ABTB3: variants seen among roughly 807,000 people sequenced by gnomAD.
ABTB3 encodes ankyrin repeat and BTB domain containing 3.
At chr12:107,607,941 C>T in the ABTB3 span, among the ~76,000 whole-genome samples, 69 of 152,286 alleles carry the variant, frequency 4.5e-4, no homozygotes, top group African/African-American at 1.6e-3. Context: ...CAATGGCCCC[C>T]TCTCGTTCCT....
At chr12:107,520,170 G>T in the ABTB3 span, 1 of 974,416 alleles carries the variant, frequency 1.0e-6, no homozygotes, top group Non-Finnish European at 1.2e-6. Flanking sequence ...GTCACAAGAA[G>T]TCACATCTAG....
chr12:107,345,039 C>T, the ABTB3 span, among the ~76,000 whole-genome samples: 1 of 152,222 alleles, frequency 6.6e-6, no homozygotes, highest in Admixed American at 6.5e-5. Flanking sequence ...CCTAGTCCTT[C>T]ATCCAGGCTT....
the ABTB3 span, among the ~76,000 whole-genome samples, chr12:107,382,329 C>T: frequency 6.6e-6 from 1 of 152,102 alleles, no homozygotes. Context: ...CAGGGCTTGT[C>T]TGTCAAGGGA....
chr12:107,457,389 C>A, the ABTB3 span, among the ~76,000 whole-genome samples: 1 of 152,174 alleles, frequency 6.6e-6, no homozygotes, highest in South Asian at 2.1e-4. Context: ...GCTGGCTTGC[C>A]GAAAGATAGA....
chr12:107,320,762 C>T, the ABTB3 span: 71 of 444,124 alleles, frequency 1.6e-4, 1 homozygote, highest in East Asian at 3.5e-4. Context: ...ATTCCAGCCT[C>T]CCAGCTCTTG....
At chr12:107,580,712 C>G in the ABTB3 span, 1 of 1,067,140 alleles carries the variant, frequency 9.4e-7, no homozygotes, top group South Asian at 1.7e-5. Flanking sequence ...TAGCGGACAC[C>G]TTAGGCTTGG....
chr12:107,369,138 G>A, the ABTB3 span, among the ~76,000 whole-genome samples: 13 of 151,842 alleles, frequency 8.6e-5, no homozygotes, highest in South Asian at 2.1e-4. Context: ...TTTTTGGTTC[G>A]TGCCTTGGGG....
the ABTB3 span, chr12:107,657,846 C>G: frequency 1.2e-6 from 1 of 851,824 alleles, no homozygotes; most frequent in Non-Finnish European, 1.9e-6. Context: ...CTCTACTGCT[C>G]CCACGTGTTC....
At chr12:107,420,933 C>G in the ABTB3 span, among the ~76,000 whole-genome samples, 31 of 152,094 alleles carry the variant, frequency 2.0e-4, no homozygotes, top group Non-Finnish European at 2.9e-4. Flanking sequence ...AGGGAGCTGC[C>G]CGAATCATTA....
At chr12:107,387,972 C>CTTCTTCT in the ABTB3 span, among the ~76,000 whole-genome samples, 9 of 120,206 alleles carry the variant, frequency 7.5e-5, no homozygotes, top group African/African-American at 3.0e-4. Flanking sequence ...TCTTCTTCTT[C>CTTCTTCT]TTTTTTTTTT....
the ABTB3 span, among the ~76,000 whole-genome samples, chr12:107,403,506 G>A: frequency 1.8e-4 from 28 of 152,204 alleles, no homozygotes; most frequent in South Asian, 1.5e-3. Flanking sequence ...CCCACAATGG[G>A]CCTACAGATA....
At chr12:107,372,939 C>T in the ABTB3 span, among the ~76,000 whole-genome samples, 1 of 152,194 alleles carries the variant, frequency 6.6e-6, no homozygotes, top group Non-Finnish European at 1.5e-5. Flanking sequence ...TCAACCTCAA[C>T]ACCATTGGCA....
At chr12:107,656,799 T>C in the ABTB3 span, among the ~76,000 whole-genome samples, 2 of 152,212 alleles carry the variant, frequency 1.3e-5, no homozygotes, top group African/African-American at 4.8e-5. Context: ...ACTCGGAGCC[T>C]CAGTTTCCCC....
the ABTB3 span, among the ~76,000 whole-genome samples, chr12:107,642,660 C>A: frequency 6.6e-6 from 1 of 152,120 alleles, no homozygotes; most frequent in African/African-American, 2.4e-5. Context: ...ACAAAGAGAA[C>A]AGCATGTGCG....
the ABTB3 span, among the ~76,000 whole-genome samples, chr12:107,461,716 G>A: frequency 6.6e-6 from 1 of 152,190 alleles, no homozygotes; most frequent in South Asian, 2.1e-4. Flanking sequence ...GGAAGTTGGG[G>A]AGGTAGAGGA....
At chr12:107,490,991 G>C in the ABTB3 span, among the ~76,000 whole-genome samples, 1 of 152,152 alleles carries the variant, frequency 6.6e-6, no homozygotes, top group African/African-American at 2.4e-5. Flanking sequence ...GCAGAGCTGG[G>C]ATTAGAACTC....
At chr12:107,333,828 C>T in the ABTB3 span, among the ~76,000 whole-genome samples, 295 of 152,254 alleles carry the variant, frequency 1.9e-3, no homozygotes, top group African/African-American at 6.9e-3. Context: ...GAAGGTGACA[C>T]CTGCCATGGA....
the ABTB3 span, among the ~76,000 whole-genome samples, chr12:107,607,694 CCCCTGGTGG>C: frequency 6.6e-6 from 1 of 152,164 alleles, no homozygotes; most frequent in African/African-American, 2.4e-5. Context: ...CCAGCAGCTC[CCCCTGGTGG>C]CCAGAAGCAA....
the ABTB3 span, among the ~76,000 whole-genome samples, chr12:107,457,429 C>T: frequency 3.3e-4 from 51 of 152,334 alleles, no homozygotes; most frequent in African/African-American, 1.2e-3. Flanking sequence ...GTCACCATGG[C>T]AATTTCGAAG....
Sources: allele counts gnomAD v4.1 joint callset (sites outside exome capture counted in the v4.1 genomes callset), GRCh38; gene constraint gnomAD v4.1.1; transcripts MANE v1.5; gene names NCBI Gene and HGNC (gene_info 2026-07-23, HGNC 2026-07-21).